Variants in PARP9 observed in about 807,000 individuals in gnomAD.
PARP9 encodes protein mono-ADP-ribosyltransferase PARP9.
PARP9 carries 48 observed loss-of-function variants against 68.8 expected under a neutral mutation model. That is an observed-to-expected ratio of 0.70 (90% confidence interval 0.55 to 0.89). The LOEUF (loss-of-function observed/expected upper bound fraction) is 0.89. Ranked by LOEUF, PARP9 falls within the 40% of genes least tolerant of loss-of-function variation. The pLI, the probability that PARP9 is intolerant of heterozygous loss-of-function variation, is 0.00. For synonymous variants in PARP9, 309 were observed against 333.8 expected, an observed-to-expected ratio of 0.93 and a Z score of 0.81; for missense variants, 806 against 969.3, an observed-to-expected ratio of 0.83 and a Z score of 2.24.
At chr3:122,536,145 A>T (rs1391942792) in intron 10 of PARP9, 23 bp downstream of exon 10, 1 of 1,614,056 alleles carries the variant, frequency 6.2e-7, no homozygotes, top group African/African-American at 1.3e-5. Flanking sequence ...GAGTAGCCCC[A>T]ATGATGAGGC....
intron 7 of PARP9, among the ~76,000 whole-genome samples, chr3:122,544,379 A>G (rs1216820798): frequency 6.6e-6 from 1 of 152,198 alleles, no homozygotes; most frequent in African/African-American, 2.4e-5. Context: ...TACATAATCT[A>G]TTATCCTCAC....
rs560725112 is a variant in PARP9, at chr3:122,535,001, A to T, written c.2080+1167T>A. 16 of 977,998 alleles carry T rather than the reference A, an allele frequency of 1.6e-5. No individual in the cohort carries two copies. In the African/African-American group the frequency reaches 1.9e-4, roughly 12 times the overall value. 60.6% of individuals were successfully genotyped at this position (977,998 alleles called of 1,614,324 possible). Reference sequence around the variant, plus strand: ...TGTCTTAGATGTTTTAGTAAGAAAGATGTGTATAGATGTTGGGTAGGCAAG... The same window carrying T: ...TGTCTTAGATGTTTTAGTAAGAAAGTTGTGTATAGATGTTGGGTAGGCAAG... On this transcript the variant is annotated intron_variant, in intron 10 of 10. Coordinates refer to ENST00000682323, the MANE Select transcript of PARP9 (RefSeq NM_001146105.2).
upstream of PARP9, chr3:122,564,440 T>G (rs759078991): frequency 1.9e-6 from 3 of 1,610,442 alleles, no homozygotes; most frequent in Admixed American, 5.0e-5. Context: ...GCCTCCCACC[T>G]GCGCCCGCCG....
upstream of PARP9, chr3:122,564,575 C>A (rs751551041): frequency 6.2e-7 from 1 of 1,602,812 alleles, no homozygotes. Flanking sequence ...GAACACGAAG[C>A]CCCGGGCACC....
chr3:122,563,777 C>T (rs1389954193), intron 1 of PARP9, among the ~76,000 whole-genome samples: 1 of 152,066 alleles, frequency 6.6e-6, no homozygotes, highest in East Asian at 1.9e-4. Flanking sequence ...CCTTGGAGGC[C>T]TTGGAGAAGT....
intron 6 of PARP9, chr3:122,545,772 C>A (rs6780181): frequency 0.55 from 200,464 of 366,252 alleles, 56,109 homozygotes; most frequent in East Asian, 0.64. Flanking sequence ...TGCATTCATT[C>A]AACAGATTTT....
At chr3:122,540,025 C>T (rs776730434) in intron 8 of PARP9, among the ~76,000 whole-genome samples, 5 of 152,138 alleles carry the variant, frequency 3.3e-5, no homozygotes, top group Admixed American at 6.5e-5. Context: ...ACTTCATTGG[C>T]GAGAGGGCTC....
rs767559752 is a variant in PARP9, at chr3:122,536,992, G to T, written c.1847C>A (p.Thr616Asn). The change falls in exon 9 of 11, where the codon ACT becomes AAT. Residue 616 changes from threonine (T) to asparagine (N), a missense_variant. Physicochemically the swap from Thr to Asn is moderately conservative, Grantham distance 65 (BLOSUM62 0). This residue lies in a region of PARP9 where 680 missense variants were observed against 858.8 expected (regional missense o/e 0.79). Transcript: ENST00000682323. ...TTTCTTTTGATCTAGAAGCTCTTGAGTTGGAGGCACAGGACATTTCAGAAA... is the reference window on the plus strand; with the variant it reads ...TTTCTTTTGATCTAGAAGCTCTTGATTTGGAGGCACAGGACATTTCAGAAA... The part of the protein sequence containing the change: ...IIFLKCPVPP[T>N]QELLDQKKQF... The T allele has an allele frequency of 1.5e-5, 25 of 1,613,834 alleles. No individual in the cohort carries two copies. The highest frequency in any genetic ancestry group is 1.9e-5 in the Non-Finnish European group (22 of 1,179,904).
chr3:122,550,532 AAT>A lies in PARP9; in HGVS notation c.1326+50_1326+51del, dbSNP rs1472837876. 2.4e-4 allele frequency: 297 copies of A among 1,257,284 alleles called. 1 individual carries two copies. The highest frequency in any genetic ancestry group is 2.9e-4 in the Non-Finnish European group (258 of 890,082). The allele number at this position is 1,257,284 out of a possible 1,614,324, so 77.9% of individuals were successfully genotyped here. A position where few individuals can be genotyped will look rare whatever the true frequency, so the allele number is the denominator to read the frequency against. The stretch of plus-strand genomic sequence containing the variant: ...TGTAGATACTAAACAGATGTTGCTG[AAT>A]GAATGAATGAATGAATGAACAGTAG... On this transcript the variant is annotated intron_variant, in intron 6 of 10. Coordinates refer to ENST00000682323, the MANE Select transcript of PARP9 (RefSeq NM_001146105.2).
intron 9 of PARP9, 163 bp from the exon 10 acceptor site, chr3:122,536,505 C>T: frequency 7.8e-7 from 1 of 1,277,502 alleles, no homozygotes; most frequent in East Asian, 2.6e-5. Flanking sequence ...TCCCTCTAAT[C>T]CTCTCCTATT....
In PARP9 at chr3:122,555,896, A is replaced by C. The variant is rs1372960049; in HGVS notation, c.275T>G (p.Leu92Arg). 1 of 1,614,104 alleles carries C rather than the reference A, an allele frequency of 6.2e-7. No homozygotes were observed. Among genetic ancestry groups the C allele is most frequent in the Non-Finnish European group, 8.5e-7 (1 of 1,180,016 alleles). ...CACAGCATCAACAGCATGTGTGGTG[A>C]GGTCATCTTTCCAGACTGATAACTC... ...RIELSVWKDD[L>R]TTHAVDAVVN... Residue 92 changes from leucine (L) to arginine (R), a missense_variant, in exon 4 of 11, where the codon CTC becomes CGC. Physicochemically the swap from Leu to Arg is moderately radical, Grantham distance 102. Transcript: ENST00000682323.
intron 6 of PARP9, among the ~76,000 whole-genome samples, chr3:122,546,634 G>A (rs1362953414): frequency 6.6e-6 from 1 of 152,136 alleles, no homozygotes. Flanking sequence ...ATATAATGTA[G>A]TGTTAATGCT....
intron 10 of PARP9, among the ~76,000 whole-genome samples, chr3:122,529,881 A>G (rs1163501322): frequency 6.6e-6 from 1 of 151,992 alleles, no homozygotes; most frequent in Non-Finnish European, 1.5e-5. Context: ...TCCTAACCTC[A>G]TGAACAGCAT....
intron 1 of PARP9, among the ~76,000 whole-genome samples, chr3:122,560,821 G>C (rs1179338381): frequency 1.3e-5 from 2 of 152,166 alleles, no homozygotes; most frequent in Non-Finnish European, 2.9e-5. Flanking sequence ...AAGACAAGAT[G>C]CATTTTTTGC....
In PARP9 at chr3:122,558,996, G is replaced by A. The variant is rs897843728; in HGVS notation, c.16-529C>T. 2.6e-5 allele frequency among the ~76,000 whole-genome samples: 4 copies of A among 152,282 alleles called. No individual in the cohort carries two copies. The East Asian group carries it at 5.8e-4, about 22-fold the overall frequency. ...CTCTGTAGTAACTGGGATTATAGGC[G>A]CCAGCCACCGCCAATGCATCTCAGT... is the stretch of plus-strand genomic sequence containing the variant. On this transcript the variant is annotated intron_variant, in intron 2 of 10. Coordinates refer to ENST00000682323, the MANE Select transcript of PARP9 (RefSeq NM_001146105.2).
intron 6 of PARP9, among the ~76,000 whole-genome samples, chr3:122,546,881 G>C (rs746825470): frequency 6.7e-6 from 1 of 148,390 alleles, no homozygotes. Flanking sequence ...AAATGGAGAC[G>C]ACAACAGTGG....
rs1466358523 is a variant in PARP9 at position 122,540,953 on chromosome 3, C to T, written c.1385-101G>A. ...TCTCACAAGCTGGAGTGCAGTGCTG[C>T]GATCTCAGCTCACTGCAAGCTCCGC... On this transcript the variant is annotated intron_variant, in intron 7 of 10. Transcript: ENST00000682323. 1.9e-5 allele frequency: 24 copies of T among 1,293,510 alleles called. No homozygotes were observed. The South Asian group carries it at 3.4e-4, about 18-fold the overall frequency. The allele number at this position is 1,293,510 out of a possible 1,614,324, so 80.1% of individuals were successfully genotyped here. A position where few individuals can be genotyped will look rare whatever the true frequency, so the allele number is the denominator to read the frequency against.
At chr3:122,559,501 G>A (rs753508246) in intron 2 of PARP9, 105 bp downstream of exon 2, 11 of 1,124,758 alleles carry the variant, frequency 9.8e-6, no homozygotes, top group Non-Finnish European at 1.3e-5. Flanking sequence ...AAAAGCAGAT[G>A]AGGATGTCAA....
At chr3:122,539,539 CTTTCTTTCTTTCTTTCTTTCTTTCTTTCT>C (rs1245532924) in intron 8 of PARP9, among the ~76,000 whole-genome samples, 8 of 45,024 alleles carry the variant, frequency 1.8e-4, no homozygotes, top group African/African-American at 4.6e-4. Context: ...TTCTTTCTTT[CTTTCTTTCTTTCTTTCTTTCTTTCTTTCT>C]TTTTTTTTTG....
Sources: allele counts gnomAD v4.1 joint callset (sites outside exome capture counted in the v4.1 genomes callset), GRCh38; gene constraint gnomAD v4.1.1; regional missense constraint gnomAD v4.1.1; transcripts MANE v1.5; gene names NCBI Gene and HGNC (gene_info 2026-07-23, HGNC 2026-07-21).